Variants in LOXL2 observed in about 807,000 individuals in gnomAD.
The protein encoded by LOXL2 is lysyl oxidase like 2, also known as lysyl oxidase homolog 2.
LOXL2 carries 70 observed loss-of-function variants against 93.0 expected under a neutral mutation model. That is an observed-to-expected ratio of 0.75 (90% CI 0.62 to 0.92). The LOEUF (loss-of-function observed/expected upper bound fraction) is 0.92, where lower values mean the gene tolerates loss of function less well. LOXL2 is among the 40% of genes least tolerant of loss of function. The probability of loss-of-function intolerance (pLI) is 0.00; values close to 1 mark genes in which losing one functional copy is unlikely to be tolerated. For missense variants in LOXL2, 973 were observed against 1,054.9 expected (o/e 0.92, Z 1.08); for synonymous variants, 438 against 413.2 (o/e 1.06, Z -0.73).
At chr8:23,367,378 T>G (rs1312023492) in intron 2 of LOXL2, among the ~76,000 whole-genome samples, 1 of 152,158 alleles carries the variant, frequency 6.6e-6, no homozygotes, top group African/African-American at 2.4e-5. Flanking sequence ...AAAAATAAAC[T>G]AATAAATTTG....
chr8:23,385,837 AC>A (rs150315839), intron 1 of LOXL2: 46,341 of 661,300 alleles, frequency 0.07, 2,748 homozygotes, highest in African/African-American at 0.23. Context: ...TGGAATCAAT[AC>A]AAAAATTATT....
chr8:23,353,127 A>G (rs1804124555), intron 3 of LOXL2, among the ~76,000 whole-genome samples: 1 of 152,190 alleles, frequency 6.6e-6, no homozygotes, highest in Non-Finnish European at 1.5e-5. Flanking sequence ...CTGTGAGCAC[A>G]TGACTGGGCA....
Position 23,343,109 on chromosome 8 carries a change from A to G in LOXL2, c.532-1906T>C, listed in dbSNP as rs1803911039. 1.3e-5 allele frequency among the ~76,000 whole-genome samples: 2 copies of G among 152,124 alleles called. 1 individual carries two copies. Among genetic ancestry groups the G allele is most frequent in the Admixed American group, 1.3e-4 (2 of 15,276 alleles). On this transcript the variant is annotated intron_variant, in intron 3 of 13. Transcript: ENST00000389131. ...ACTAGCTCCTCTTTGTCTATGTAATACCCTAATATTGAGCAAGATGCTCTC... is the reference window on the plus strand; with the variant it reads ...ACTAGCTCCTCTTTGTCTATGTAATGCCCTAATATTGAGCAAGATGCTCTC...
intron 7 of LOXL2, 200 bp downstream of exon 7, chr8:23,321,930 C>G (rs1803503211): frequency 1.7e-6 from 1 of 594,304 alleles, no homozygotes; most frequent in Non-Finnish European, 3.0e-6. Flanking sequence ...TCACACTGCA[C>G]ACAGGGGCTT....
intron 1 of LOXL2, among the ~76,000 whole-genome samples, chr8:23,388,623 TCACACACACACACACACACACACACA>T (rs10522826): frequency 1.7e-4 from 24 of 142,822 alleles, no homozygotes; most frequent in Non-Finnish European, 1.2e-4. Flanking sequence ...AAAAATATAC[TCACACACACACACACACACACACACA>T]CACACACACA....
chr8:23,386,463 T>C (rs1332322156), intron 1 of LOXL2, among the ~76,000 whole-genome samples: 2 of 152,174 alleles, frequency 1.3e-5, no homozygotes, highest in East Asian at 1.9e-4. Context: ...TAAACAAATA[T>C]GTAAGTTCTC....
intron 9 of LOXL2, among the ~76,000 whole-genome samples, chr8:23,310,607 A>G (rs1293662047): frequency 6.6e-6 from 1 of 152,226 alleles, no homozygotes; most frequent in African/African-American, 2.4e-5. Flanking sequence ...CCTGTAGTAA[A>G]TCTGTGCATA....
At chr8:23,362,640 G>A (rs950060943) in intron 2 of LOXL2, among the ~76,000 whole-genome samples, 2 of 152,142 alleles carry the variant, frequency 1.3e-5, no homozygotes, top group Non-Finnish European at 2.9e-5. Context: ...AGGCCAAGGT[G>A]GGAGAATTGC....
intron 10 of LOXL2, among the ~76,000 whole-genome samples, chr8:23,303,808 C>T (rs184695753): frequency 6.6e-6 from 1 of 152,348 alleles, no homozygotes; most frequent in African/African-American, 2.4e-5. Context: ...AATTAAAAAA[C>T]TCCGCATTTT....
intron 3 of LOXL2, among the ~76,000 whole-genome samples, chr8:23,348,075 C>T (rs534786752): frequency 5.3e-5 from 8 of 151,940 alleles, no homozygotes; most frequent in Non-Finnish European, 8.8e-5. Context: ...ACTGTGCAGC[C>T]GTAAAAAAGG....
chr8:23,398,575 A>T (rs928167116), intron 1 of LOXL2, among the ~76,000 whole-genome samples: 5 of 152,184 alleles, frequency 3.3e-5, no homozygotes, highest in Admixed American at 1.3e-4. Context: ...CTTGCCTGGT[A>T]ATAGTATTTC....
chr8:23,319,788 G>A (rs889358746), intron 8 of LOXL2, 97 bp downstream of exon 8: 28 of 1,354,916 alleles, frequency 2.1e-5, no homozygotes, highest in African/African-American at 2.0e-4. Flanking sequence ...CTGCCTGCAC[G>A]GCTAGGGAGG....
Position 23,328,584 on chromosome 8 carries a change from C to T in LOXL2, c.967-19G>A. 6.2e-7 allele frequency: 1 copy of T among 1,612,654 alleles called. No individual in the cohort carries two copies. Among genetic ancestry groups the T allele is most frequent in the Non-Finnish European group, 8.5e-7 (1 of 1,179,624 alleles). On this transcript the variant is annotated intron_variant, in intron 5 of 13. Transcript: ENST00000389131. ...GGGGTTGCTGAAGAGACACACGGTC[C>T]TGCTGAGTACAGACGCTGATGCACG... is the stretch of plus-strand genomic sequence containing the variant.
intron 12 of LOXL2, among the ~76,000 whole-genome samples, chr8:23,299,638 A>G (rs956528453): frequency 5.3e-5 from 8 of 152,180 alleles, no homozygotes; most frequent in African/African-American, 1.7e-4. Flanking sequence ...CCGAGGAGAA[A>G]AGAGAAAGGG....
At chr8:23,307,474 G>A (rs1339451695) in intron 10 of LOXL2, among the ~76,000 whole-genome samples, 1 of 152,094 alleles carries the variant, frequency 6.6e-6, no homozygotes, top group African/African-American at 2.4e-5. Context: ...AGGGGGTTGG[G>A]GAGCAGGCAG....
chr8:23,371,625 A>T (rs113940068), intron 1 of LOXL2, among the ~76,000 whole-genome samples: 1 of 150,652 alleles, frequency 6.6e-6, no homozygotes, highest in Admixed American at 6.6e-5. Context: ...GGTGGCGGGC[A>T]CCTGTAGTCC....
chr8:23,319,443 C>T (rs79538257), intron 8 of LOXL2, among the ~76,000 whole-genome samples: 3,171 of 152,242 alleles, frequency 0.021, 122 homozygotes, highest in Admixed American at 0.087. Flanking sequence ...AGCGGGGAAA[C>T]GTGTTCAGAC....
intron 1 of LOXL2, among the ~76,000 whole-genome samples, chr8:23,387,029 C>T (rs1316893708): frequency 1.3e-5 from 2 of 152,170 alleles, no homozygotes; most frequent in Admixed American, 1.3e-4. Context: ...ATTATTCACA[C>T]AGTTGAGCCC....
chr8:23,378,882 A>C (rs7836410), intron 1 of LOXL2, among the ~76,000 whole-genome samples: 96,172 of 152,072 alleles, frequency 0.63, 32,066 homozygotes, highest in African/African-American at 0.84. Flanking sequence ...TGGGTTTGAA[A>C]TTCCTCCTTT....
Sources: allele counts gnomAD v4.1 joint callset (sites outside exome capture counted in the v4.1 genomes callset), GRCh38; gene constraint gnomAD v4.1.1; transcripts MANE v1.5; gene names NCBI Gene and HGNC (gene_info 2026-07-23, HGNC 2026-07-21).